Variants in MIB1 observed in about 807,000 individuals in gnomAD.
The protein encoded by MIB1 is MIB E3 ubiquitin protein ligase 1.
In MIB1, 278 loss-of-function variants were observed where a neutral mutation model predicts 124.5. The observed-to-expected ratio is 2.23, with a 90% CI of 2.02 to 2.47. The LOEUF (loss-of-function observed/expected upper bound fraction) is 2.47, where lower values mean the gene tolerates loss of function less well. Ranked by LOEUF, MIB1 falls within the 30% of genes most tolerant of loss-of-function variation. The probability of loss-of-function intolerance (pLI) is 0.00; values close to 1 mark genes in which losing one functional copy is unlikely to be tolerated. For synonymous variants in MIB1, 446 were observed against 429.4 expected, an observed-to-expected ratio of 1.04 and a Z score of -0.48; for missense variants, 957 against 1,254.4, an observed-to-expected ratio of 0.76 and a Z score of 3.58.
chr18:21,813,745 A>G (rs150998542), intron 10 of MIB1, among the ~76,000 whole-genome samples: 1 of 152,208 alleles, frequency 6.6e-6, no homozygotes, highest in Non-Finnish European at 1.5e-5. Context: ...TTTCTTTGAA[A>G]GTAGTTCAGA....
At chr18:21,793,902 A>C (rs2041541361) in intron 7 of MIB1, 1 of 151,870 alleles carries the variant, frequency 6.6e-6, no homozygotes, top group South Asian at 2.1e-4. Flanking sequence ...AGTAGTGTGT[A>C]CCTGTAGTCC....
At chr18:21,762,985 GAAGTT>G (rs2041114617) in intron 1 of MIB1, among the ~76,000 whole-genome samples, 2 of 151,814 alleles carry the variant, frequency 1.3e-5, no homozygotes, top group South Asian at 4.2e-4. Flanking sequence ...ATATTAAGAT[GAAGTT>G]AAGTGCAGTA....
intron 10 of MIB1, among the ~76,000 whole-genome samples, chr18:21,806,142 A>G (rs1479329905): frequency 6.7e-6 from 1 of 150,292 alleles, no homozygotes; most frequent in African/African-American, 2.5e-5. Flanking sequence ...ACCTCGAGTG[A>G]TTTCGCTTAC....
At chr18:21,718,540 TGTCATCTGACTGCAA>T in intron 1 of MIB1, among the ~76,000 whole-genome samples, 1 of 152,344 alleles carries the variant, frequency 6.6e-6, no homozygotes, top group South Asian at 2.1e-4. Flanking sequence ...TGGCCTCAGA[TGTCATCTGACTGCAA>T]ACACACAAGA....
Position 21,798,139 on chromosome 18 carries a change from TG to T in MIB1, c.1150del (p.Glu384LysfsTer36). The T allele has an allele frequency of 1.2e-6, 2 of 1,613,312 alleles. No individual in the cohort carries two copies. The highest frequency in any genetic ancestry group is 1.7e-6 in the Non-Finnish European group (2 of 1,179,434). ...ATTTATTCAGACAGTGATTTAAAGG[TG>T]GAAGTTTGTGGAACATCTTGGACAT... is the stretch of plus-strand genomic sequence containing the variant. ...QQIYSDSDLK[V>X]EVCGTSWTYN... On this transcript the variant is annotated frameshift_variant, in exon 8 of 21. Coordinates refer to ENST00000261537, the MANE Select transcript of MIB1 (RefSeq NM_020774.4). LOFTEE classifies it high-confidence loss of function.
intron 1 of MIB1, among the ~76,000 whole-genome samples, chr18:21,709,296 C>T (rs1317457541): frequency 6.5e-5 from 8 of 122,276 alleles, no homozygotes; most frequent in South Asian, 2.7e-4. Flanking sequence ...ACGGCCTGGG[C>T]GAAAGAGCGA....
chr18:21,755,381 G>C (rs1318864800), intron 1 of MIB1, among the ~76,000 whole-genome samples: 1 of 151,192 alleles, frequency 6.6e-6, no homozygotes, highest in Non-Finnish European at 1.5e-5. Flanking sequence ...ACCCAGGCTG[G>C]AGTGCAATGG....
At chr18:21,786,466 T>G (rs2041437212) in intron 6 of MIB1, among the ~76,000 whole-genome samples, 2 of 152,198 alleles carry the variant, frequency 1.3e-5, no homozygotes, top group South Asian at 4.1e-4. Context: ...ATATTTATTT[T>G]TTTATAGTTT....
At chr18:21,754,683 T>C (rs1373681250) in intron 1 of MIB1, among the ~76,000 whole-genome samples, 1 of 152,218 alleles carries the variant, frequency 6.6e-6, no homozygotes, top group Non-Finnish European at 1.5e-5. Context: ...TTCTGAGATC[T>C]ACAGTAATGA....
At chr18:21,855,598 C>T (rs1360538753) in intron 18 of MIB1, among the ~76,000 whole-genome samples, 2 of 152,202 alleles carry the variant, frequency 1.3e-5, no homozygotes, top group East Asian at 1.9e-4. Context: ...TATAACCGAG[C>T]GTCAGACCCA....
At chr18:21,859,235 C>T (rs2042253255) in intron 20 of MIB1, among the ~76,000 whole-genome samples, 1 of 151,882 alleles carries the variant, frequency 6.6e-6, no homozygotes, top group Non-Finnish European at 1.5e-5. Context: ...CATAGTGAGA[C>T]CGCAACTCTA....
intron 2 of MIB1, among the ~76,000 whole-genome samples, chr18:21,766,838 A>G (rs2146408202): frequency 6.6e-6 from 1 of 152,310 alleles, no homozygotes; most frequent in East Asian, 1.9e-4. Flanking sequence ...CAGGCGTTCA[A>G]GACCACCCCG....
At chr18:21,757,918 A>G (rs551714928) in intron 1 of MIB1, among the ~76,000 whole-genome samples, 45 of 152,356 alleles carry the variant, frequency 3.0e-4, no homozygotes, top group African/African-American at 9.6e-4. Flanking sequence ...TCTTTAAATA[A>G]GATCCATGCT....
At chr18:21,785,391 A>T (rs943185148) in intron 6 of MIB1, among the ~76,000 whole-genome samples, 7 of 152,200 alleles carry the variant, frequency 4.6e-5, no homozygotes, top group Non-Finnish European at 8.8e-5. Flanking sequence ...GAAGAAAAAA[A>T]CCCACAGGCC....
intron 10 of MIB1, among the ~76,000 whole-genome samples, chr18:21,806,278 G>C (rs1271112214): frequency 2.7e-5 from 4 of 150,642 alleles, no homozygotes; most frequent in Non-Finnish European, 5.9e-5. Flanking sequence ...ATGGCTCACT[G>C]CAGCCTTGAA....
chr18:21,842,560 A>T (rs1035222619), intron 13 of MIB1, among the ~76,000 whole-genome samples: 1 of 152,142 alleles, frequency 6.6e-6, no homozygotes, highest in Admixed American at 6.6e-5. Flanking sequence ...AGCTGTTCTC[A>T]TACGGTTCTT....
At chr18:21,720,553 A>G (rs2040709974) in intron 1 of MIB1, among the ~76,000 whole-genome samples, 1 of 152,042 alleles carries the variant, frequency 6.6e-6, no homozygotes, top group Admixed American at 6.6e-5. Flanking sequence ...GCAATGTGTA[A>G]CTCATGATTG....
chr18:21,821,583 GTGTTTTTTT>G lies in MIB1; in HGVS notation c.1829+1957_1829+1965del, dbSNP rs200104614. 9.9e-3 allele frequency among the ~76,000 whole-genome samples: 1,486 copies of G among 150,410 alleles called. 14 individuals carry two copies. The highest frequency in any genetic ancestry group is 0.033 in the African/African-American group (1,336 of 40,820). On this transcript the variant is annotated intron_variant, in intron 12 of 20. Transcript: ENST00000261537. ...TGCTCTATACTTCCTTGTTCTGTGT[GTGTTTTTTT>G]TGTTTTTTTTGTTTTTTTTTTTTTG...
intron 15 of MIB1, 115 bp downstream of exon 15, chr18:21,844,368 C>G (rs2042117691): frequency 9.2e-7 from 1 of 1,083,146 alleles, no homozygotes; most frequent in Admixed American, 2.6e-5. Context: ...GAGCTATGTA[C>G]TTAGAAACTT....
Sources: gnomAD v4.1 joint callset for allele counts (sites outside exome capture counted in the v4.1 genomes callset) on GRCh38, gnomAD v4.1.1 for gene constraint, MANE v1.5 for transcripts, NCBI Gene and HGNC (gene_info 2026-07-23, HGNC 2026-07-21) for gene names.